DGLUCY: variants seen among roughly 807,000 people sequenced by gnomAD.
The protein encoded by DGLUCY is D-glutamate cyclase, mitochondrial.
In DGLUCY, 58 loss-of-function variants were observed where a neutral mutation model predicts 58.5. The observed-to-expected ratio is 0.99, with a 90% CI of 0.80 to 1.23. DGLUCY has a LOEUF of 1.23. Among genes scored for constraint, DGLUCY ranks in the 50% most tolerant of loss-of-function variants. The pLI is 0.00. For missense variants in DGLUCY, 779 were observed against 784.7 expected (o/e 0.99, Z 0.09); for synonymous variants, 325 against 314.1 (o/e 1.03, Z -0.37).
At chr14:91,090,057 C>A (rs768213873) in intron 1 of DGLUCY, among the ~76,000 whole-genome samples, 1 of 152,098 alleles carries the variant, frequency 6.6e-6, no homozygotes, top group Non-Finnish European at 1.5e-5. Context: ...GGGGCCCTGA[C>A]GAAGGAGGAA....
chr14:91,083,804 G>A (rs567317947), intron 1 of DGLUCY, among the ~76,000 whole-genome samples: 126 of 152,092 alleles, frequency 8.3e-4, no homozygotes, highest in Non-Finnish European at 1.2e-3. Context: ...GCACCATTCA[G>A]GGTTCAGCTT....
At chr14:91,138,414 C>T (rs183041355) in intron 1 of DGLUCY, among the ~76,000 whole-genome samples, 400 of 152,252 alleles carry the variant, frequency 2.6e-3, no homozygotes, top group Non-Finnish European at 4.5e-3. Context: ...TCGCTTGAAC[C>T]CAGGAGGCGG....
chr14:91,193,670 G>A (rs903287884), intron 9 of DGLUCY, among the ~76,000 whole-genome samples: 3 of 151,966 alleles, frequency 2.0e-5, no homozygotes, highest in South Asian at 2.1e-4. Flanking sequence ...GTGAAACCCC[G>A]TCTCTACCAA....
intron 1 of DGLUCY, among the ~76,000 whole-genome samples, chr14:91,125,881 G>A (rs1421393509): frequency 2.0e-5 from 3 of 152,136 alleles, no homozygotes; most frequent in African/African-American, 4.8e-5. Context: ...GCAGTGAGCC[G>A]AGATCTTGCC....
At chr14:91,082,191 G>A (rs1223496756) in intron 1 of DGLUCY, among the ~76,000 whole-genome samples, 3 of 152,050 alleles carry the variant, frequency 2.0e-5, no homozygotes, top group Non-Finnish European at 4.4e-5. Context: ...GATAGAGCAT[G>A]TAGAGGGTAT....
At chr14:91,070,652 A>G (rs1470998679) in intron 1 of DGLUCY, among the ~76,000 whole-genome samples, 7 of 152,228 alleles carry the variant, frequency 4.6e-5, no homozygotes, top group Non-Finnish European at 1.0e-4. Flanking sequence ...GAATCAACCA[A>G]AAGAGAATGA....
chr14:91,141,914 C>T (rs1280811726), intron 1 of DGLUCY, among the ~76,000 whole-genome samples: 4 of 148,664 alleles, frequency 2.7e-5, no homozygotes, highest in African/African-American at 9.9e-5. Flanking sequence ...GGCGTGATCT[C>T]GGCCCACTGC....
At chr14:91,193,622 C>A (rs1016055756) in intron 9 of DGLUCY, among the ~76,000 whole-genome samples, 12 of 152,114 alleles carry the variant, frequency 7.9e-5, no homozygotes, top group African/African-American at 2.9e-4. Context: ...AGGCAGATCA[C>A]CTGAGCTCAG....
chr14:91,155,712 C>G (rs184659626), intron 1 of DGLUCY, among the ~76,000 whole-genome samples: 28 of 151,316 alleles, frequency 1.9e-4, no homozygotes, highest in African/African-American at 6.1e-4. Context: ...GGGAGGATTG[C>G]TTGAGCCCAG....
intron 3 of DGLUCY, among the ~76,000 whole-genome samples, chr14:91,165,784 A>G (rs1167127329): frequency 6.6e-6 from 1 of 152,244 alleles, no homozygotes; most frequent in Non-Finnish European, 1.5e-5. Context: ...AATTGGCACA[A>G]CCACTTTGGA....
chr14:91,167,149 A>G, intron 3 of DGLUCY, 76 bp from the exon 4 acceptor site: 2 of 1,498,252 alleles, frequency 1.3e-6, no homozygotes, highest in Non-Finnish European at 1.8e-6. Context: ...CAAAAAAAAA[A>G]AAAAGAAAGA....
intron 1 of DGLUCY, among the ~76,000 whole-genome samples, chr14:91,075,449 C>T (rs2044004305): frequency 6.6e-6 from 1 of 152,130 alleles, no homozygotes; most frequent in Admixed American, 6.5e-5. Context: ...TACCTAGAGT[C>T]ATGTTTTTAA....
At chr14:91,167,125 G>T (rs554095305) in intron 3 of DGLUCY, 100 bp from the exon 4 acceptor site, 1 of 1,417,692 alleles carries the variant, frequency 7.1e-7, no homozygotes, top group Non-Finnish European at 9.4e-7. Context: ...GGCTACAAGA[G>T]CGAAACTCCG....
At chr14:91,207,783 G>A (rs1885000444) in intron 12 of DGLUCY, among the ~76,000 whole-genome samples, 1 of 150,074 alleles carries the variant, frequency 6.7e-6, no homozygotes, top group African/African-American at 2.5e-5. Context: ...TTTCACTCTT[G>A]TTGCCGAGGC....
At chr14:91,108,736 C>T (rs1320135193) in intron 1 of DGLUCY, among the ~76,000 whole-genome samples, 1 of 152,074 alleles carries the variant, frequency 6.6e-6, no homozygotes, top group East Asian at 1.9e-4. Context: ...TGAGGTTTCA[C>T]CATGTTGGCC....
intron 1 of DGLUCY, among the ~76,000 whole-genome samples, chr14:91,090,298 C>T (rs1424491208): frequency 1.3e-5 from 2 of 152,106 alleles, no homozygotes; most frequent in Non-Finnish European, 2.9e-5. Context: ...ACCACTTACT[C>T]TCCCTGGACC....
At chr14:91,091,644 A>AT (rs2044313412) in intron 1 of DGLUCY, among the ~76,000 whole-genome samples, 1 of 152,238 alleles carries the variant, frequency 6.6e-6, no homozygotes, top group Non-Finnish European at 1.5e-5. Context: ...ACAAAGGTCC[A>AT]TAGCCTGTCT....
chr14:91,133,237 G>A (rs1436873808), intron 1 of DGLUCY, among the ~76,000 whole-genome samples: 2 of 152,104 alleles, frequency 1.3e-5, no homozygotes, highest in Non-Finnish European at 2.9e-5. Context: ...GGAGGTTGCA[G>A]TGAGCCGAGA....
intron 13 of DGLUCY, among the ~76,000 whole-genome samples, chr14:91,224,462 TGATTGTTTCTGGGGAGTA>T (rs1887940881): frequency 1.3e-5 from 2 of 152,152 alleles, no homozygotes; most frequent in Admixed American, 6.5e-5. Flanking sequence ...ACTATTCCCG[TGATTGTTTCTGGGGAGTA>T]GATTTGGGGG....
Sources: allele counts gnomAD v4.1 joint callset (sites outside exome capture counted in the v4.1 genomes callset), GRCh38; gene constraint gnomAD v4.1.1; transcripts MANE v1.5; gene names NCBI Gene and HGNC (gene_info 2026-07-23, HGNC 2026-07-21).